DKK2: variants seen among roughly 807,000 people sequenced by gnomAD.
DKK2 encodes dickkopf Wnt signaling pathway inhibitor 2, also known as dickkopf-related protein 2.
Under a neutral mutation model 28.1 loss-of-function variants are expected in DKK2, and 11 were observed. The ratio of observed to expected loss-of-function variants is 0.39; its 90% CI spans 0.25 to 0.65. DKK2 has a LOEUF of 0.65. DKK2 is among the 30% of genes least tolerant of loss of function. DKK2 has a pLI of 0.47. For synonymous variants in DKK2, 135 were observed against 126.5 expected, an observed-to-expected ratio of 1.07 and a Z score of -0.45; for missense variants, 326 against 335.5, an observed-to-expected ratio of 0.97 and a Z score of 0.22.
intron 1 of DKK2, among the ~76,000 whole-genome samples, chr4:106,979,930 T>C (rs17584752): frequency 0.17 from 25,789 of 152,214 alleles, 2,621 homozygotes; most frequent in East Asian, 0.42. Context: ...TTCATAATAC[T>C]GGTCACTTTA....
At chr4:106,988,761 T>C (rs1267954376) in intron 1 of DKK2, among the ~76,000 whole-genome samples, 1 of 152,230 alleles carries the variant, frequency 6.6e-6, no homozygotes, top group Non-Finnish European at 1.5e-5. Context: ...ATTTCTAGAC[T>C]GAAAGTAAGA....
chr4:106,996,102 C>A (rs1723268990), intron 1 of DKK2, among the ~76,000 whole-genome samples: 1 of 152,118 alleles, frequency 6.6e-6, no homozygotes, highest in Non-Finnish European at 1.5e-5. Flanking sequence ...ACATTGCAAG[C>A]CTTTCATTTG....
intron 1 of DKK2, among the ~76,000 whole-genome samples, chr4:107,021,831 A>G (rs1381179496): frequency 6.6e-6 from 1 of 152,094 alleles, no homozygotes; most frequent in African/African-American, 2.4e-5. Flanking sequence ...ATGTCAGCAT[A>G]ATGCCCATCA....
At chr4:106,926,039 A>T in intron 1 of DKK2, 90 bp from the exon 2 acceptor site, 1 of 1,380,422 alleles carries the variant, frequency 7.2e-7, no homozygotes, top group African/African-American at 1.4e-5. Context: ...ATAGAAAATG[A>T]ATCACAATAT....
At chr4:106,959,200 T>C (rs1722650684) in intron 1 of DKK2, among the ~76,000 whole-genome samples, 1 of 152,108 alleles carries the variant, frequency 6.6e-6, no homozygotes, top group Admixed American at 6.6e-5. Context: ...TATGAGAAAA[T>C]ATTCCAAACA....
At chr4:106,991,623 C>T (rs987342282) in intron 1 of DKK2, among the ~76,000 whole-genome samples, 3 of 152,172 alleles carry the variant, frequency 2.0e-5, no homozygotes, top group Admixed American at 1.3e-4. Flanking sequence ...CAACTTGTTG[C>T]TACCTCCAGA....
intron 1 of DKK2, among the ~76,000 whole-genome samples, chr4:106,983,479 C>G (rs1723065219): frequency 6.6e-6 from 1 of 151,890 alleles, no homozygotes; most frequent in Non-Finnish European, 1.5e-5. Context: ...TTACATGTAA[C>G]ATGAAACAAT....
chr4:106,960,518 A>G (rs1722671413), intron 1 of DKK2, among the ~76,000 whole-genome samples: 1 of 152,118 alleles, frequency 6.6e-6, no homozygotes, highest in South Asian at 2.1e-4. Context: ...AGACTTTACC[A>G]CTGTACAATT....
At chr4:106,986,566 T>G (rs1723123260) in intron 1 of DKK2, among the ~76,000 whole-genome samples, 1 of 152,210 alleles carries the variant, frequency 6.6e-6, no homozygotes, top group Non-Finnish European at 1.5e-5. Context: ...GCAATCATAG[T>G]GTGGAATAAC....
intron 1 of DKK2, among the ~76,000 whole-genome samples, chr4:106,931,352 A>T (rs1724501902): frequency 6.6e-6 from 1 of 152,170 alleles, no homozygotes; most frequent in African/African-American, 2.4e-5. Context: ...TTTATTGAAC[A>T]CCAACTATGA....
At chr4:106,944,225 A>T (rs1256276966) in intron 1 of DKK2, among the ~76,000 whole-genome samples, 1 of 152,098 alleles carries the variant, frequency 6.6e-6, no homozygotes, top group African/African-American at 2.4e-5. Context: ...TGCTTGCCTC[A>T]TAGAATGTCA....
chr4:106,924,761 A>T (rs1724402372), intron 2 of DKK2, 61 bp from the exon 3 acceptor site: 1 of 1,507,146 alleles, frequency 6.6e-7, no homozygotes, highest in Non-Finnish European at 9.1e-7. Flanking sequence ...ATACTTATCC[A>T]CATACTCTCT....
At chr4:106,993,353 A>G (rs1308806389) in intron 1 of DKK2, among the ~76,000 whole-genome samples, 4 of 152,216 alleles carry the variant, frequency 2.6e-5, no homozygotes, top group Non-Finnish European at 4.4e-5. Flanking sequence ...TGTTCAATAA[A>G]CGGAGGTTTC....
chr4:107,028,894 T>C (rs538124233), intron 1 of DKK2, among the ~76,000 whole-genome samples: 1 of 152,332 alleles, frequency 6.6e-6, no homozygotes, highest in African/African-American at 2.4e-5. Context: ...CAGGGGAGTT[T>C]GTTGCTGGTT....
chr4:107,023,972 A>G (rs1219405766), intron 1 of DKK2, among the ~76,000 whole-genome samples: 1 of 152,136 alleles, frequency 6.6e-6, no homozygotes, highest in Non-Finnish European at 1.5e-5. Context: ...GTGTAACAAT[A>G]TAATAATGTG....
intron 1 of DKK2, among the ~76,000 whole-genome samples, chr4:107,032,560 T>C: frequency 6.6e-6 from 1 of 152,240 alleles, no homozygotes. Context: ...TATTTAATTC[T>C]CTATCCTGAA....
intron 1 of DKK2, among the ~76,000 whole-genome samples, chr4:107,011,631 T>C (rs1404794141): frequency 6.6e-6 from 1 of 151,402 alleles, no homozygotes; most frequent in Non-Finnish European, 1.5e-5. Flanking sequence ...TGTAATAAAA[T>C]AACATTTGCT....
chr4:106,975,223 C>T (rs150937101), intron 1 of DKK2, among the ~76,000 whole-genome samples: 3,440 of 152,136 alleles, frequency 0.023, 44 homozygotes, highest in Middle Eastern at 0.037. Context: ...TGTGTCTCTG[C>T]CAGGTTTTGG....
At chr4:106,937,569 G>A (rs1204396970) in intron 1 of DKK2, among the ~76,000 whole-genome samples, 1 of 151,538 alleles carries the variant, frequency 6.6e-6, no homozygotes, top group Non-Finnish European at 1.5e-5. Context: ...GAGACAGAAA[G>A]TCAACAAGGA....
Sources: gnomAD v4.1 joint callset for allele counts (sites outside exome capture counted in the v4.1 genomes callset) on GRCh38, gnomAD v4.1.1 for gene constraint, MANE v1.5 for transcripts, NCBI Gene and HGNC (gene_info 2026-07-23, HGNC 2026-07-21) for gene names.